SH3RF2: variants seen among roughly 807,000 people sequenced by gnomAD.
The protein encoded by SH3RF2 is E3 ubiquitin-protein ligase SH3RF2.
A neutral mutation model predicts 59.0 loss-of-function variants in SH3RF2; 43 were observed. That is an observed-to-expected ratio of 0.73 (90% CI 0.57 to 0.94). SH3RF2 has a LOEUF of 0.94. SH3RF2 is among the 40% of genes least tolerant of loss of function. The pLI is 0.00. For synonymous variants in SH3RF2, 391 were observed against 391.5 expected (o/e 1.00, Z 0.01); for missense variants, 930 against 940.1 (o/e 0.99, Z 0.14).
chr5:145,959,408 T>C (rs1033080828), intron 2 of SH3RF2, among the ~76,000 whole-genome samples: 1 of 152,098 alleles, frequency 6.6e-6, no homozygotes, highest in African/African-American at 2.4e-5. Context: ...GGGTATTTGA[T>C]AGCTCATAGG....
intron 2 of SH3RF2, among the ~76,000 whole-genome samples, chr5:145,974,634 C>T (rs747937748): frequency 7.9e-5 from 12 of 152,134 alleles, no homozygotes; most frequent in Admixed American, 2.6e-4. Context: ...ACTATTGTAA[C>T]GACTTACAAA....
intron 4 of SH3RF2, among the ~76,000 whole-genome samples, chr5:146,005,934 A>C (rs989481996): frequency 1.3e-5 from 2 of 152,098 alleles, no homozygotes; most frequent in African/African-American, 4.8e-5. Context: ...GGGGAAAAAA[A>C]AATTTTTAAA....
At chr5:146,004,743 A>G (rs150589728) in intron 4 of SH3RF2, among the ~76,000 whole-genome samples, 2 of 152,228 alleles carry the variant, frequency 1.3e-5, no homozygotes, top group African/African-American at 4.8e-5. Flanking sequence ...ATATCATAAA[A>G]TGTTCAATAT....
chr5:145,963,556 T>A (rs542587021), intron 2 of SH3RF2, among the ~76,000 whole-genome samples: 12 of 152,310 alleles, frequency 7.9e-5, no homozygotes, highest in African/African-American at 2.9e-4. Flanking sequence ...CTGGAAGGTA[T>A]CATAACCATA....
intron 4 of SH3RF2, among the ~76,000 whole-genome samples, chr5:146,006,496 A>C (rs1760652369): frequency 6.6e-6 from 1 of 152,238 alleles, no homozygotes; most frequent in African/African-American, 2.4e-5. Flanking sequence ...GCAGAAGGTC[A>C]ACAAATGCCA....
chr5:145,958,754 A>G (rs1201226468), intron 2 of SH3RF2, among the ~76,000 whole-genome samples: 1 of 152,144 alleles, frequency 6.6e-6, no homozygotes, highest in Admixed American at 6.5e-5. Context: ...ATATTTCACC[A>G]AACTGCTTTG....
At chr5:145,941,163 G>A (rs1757800192) in intron 2 of SH3RF2, among the ~76,000 whole-genome samples, 1 of 152,126 alleles carries the variant, frequency 6.6e-6, no homozygotes, top group Admixed American at 6.5e-5. Context: ...TTAACTTTCT[G>A]TCCATGAGCT....
At chr5:145,953,177 G>A (rs1028847414) in intron 2 of SH3RF2, among the ~76,000 whole-genome samples, 7 of 152,056 alleles carry the variant, frequency 4.6e-5, no homozygotes, top group African/African-American at 7.2e-5. Context: ...AAATTGCAAT[G>A]TGTCTGCTAT....
chr5:145,989,003 G>T (rs1759827897), intron 2 of SH3RF2, among the ~76,000 whole-genome samples: 1 of 152,108 alleles, frequency 6.6e-6, no homozygotes, highest in Admixed American at 6.6e-5. Flanking sequence ...ACAAAGTTAG[G>T]GTACAGTACA....
In SH3RF2 at chr5:146,075,731, G is replaced by A. The variant is rs1209136167; in HGVS notation, c.*34-2729G>A. ...GAGGCGGAGGTTGCAGTGAACCAAG[G>A]TGGCACCACTGTACTCCAGCCTTGG... On this transcript the variant is annotated intron_variant, in intron 9 of 9. Transcript: ENST00000511217. Among the ~76,000 whole-genome samples, 2 of 141,820 alleles carry A rather than the reference G, an allele frequency of 1.4e-5. 1 individual carries two copies. Among genetic ancestry groups the A allele is most frequent in the Admixed American group, 1.5e-4 (2 of 13,322 alleles). The allele number at this position is 141,820 out of a possible 152,430, so 93.0% of individuals were successfully genotyped here.
chr5:145,964,628 GC>G (rs1241158906), intron 2 of SH3RF2, among the ~76,000 whole-genome samples: 1 of 151,850 alleles, frequency 6.6e-6, no homozygotes, highest in African/African-American at 2.4e-5. Flanking sequence ...TTTTATTGCT[GC>G]ATCACCATAC....
downstream of SH3RF2, among the ~76,000 whole-genome samples, chr5:146,064,776 A>G (rs1211917805): frequency 0.14 from 3,377 of 24,478 alleles, 602 homozygotes; most frequent in South Asian, 0.26. Context: ...GGAAGGAAGG[A>G]AAGGAAGGAA....
chr5:145,981,936 A>G (rs6883675), intron 2 of SH3RF2, among the ~76,000 whole-genome samples: 34,747 of 152,092 alleles, frequency 0.23, 6,077 homozygotes, highest in African/African-American at 0.48. Flanking sequence ...TCTCATATGC[A>G]CTCAAGAACA....
At chr5:145,986,955 GCTGGCATATT>G (rs1296159540) in intron 2 of SH3RF2, among the ~76,000 whole-genome samples, 1 of 152,170 alleles carries the variant, frequency 6.6e-6, no homozygotes, top group Non-Finnish European at 1.5e-5. Flanking sequence ...GGAGATAAAG[GCTGGCATATT>G]CTGAGTGTTT....
intron 7 of SH3RF2, among the ~76,000 whole-genome samples, chr5:146,052,931 C>T (rs1474107916): frequency 6.6e-6 from 1 of 152,114 alleles, no homozygotes; most frequent in Non-Finnish European, 1.5e-5. Flanking sequence ...TCCTTTTCCC[C>T]CTAGCCTTTG....
chr5:145,948,185 A>C (rs915396344), intron 2 of SH3RF2, among the ~76,000 whole-genome samples: 2 of 152,194 alleles, frequency 1.3e-5, no homozygotes, highest in African/African-American at 4.8e-5. Flanking sequence ...CACTTTATAC[A>C]AGAGGTTTGT....
chr5:146,070,729 G>C (rs886581413), intron 9 of SH3RF2, among the ~76,000 whole-genome samples: 1 of 152,200 alleles, frequency 6.6e-6, no homozygotes, highest in African/African-American at 2.4e-5. Flanking sequence ...TCTTCTTCCA[G>C]TGTTCCTTGC....
In SH3RF2 at chr5:145,992,200, C is replaced by T. The variant is rs560428152; in HGVS notation, c.379-7858C>T. On this transcript the variant is annotated intron_variant, in intron 2 of 9. Coordinates refer to ENST00000359120, the MANE Select transcript of SH3RF2 (RefSeq NM_152550.4). ...CAGCCTGAACAACATGGTGAAACCC[C>T]GTCTCTGCAAAAAATACAAAAAAAA... Among the ~76,000 whole-genome samples, 109 of 152,016 alleles carry T rather than the reference C, an allele frequency of 7.2e-4. 1 individual carries two copies. Among genetic ancestry groups the T allele is most frequent in the African/African-American group, 2.5e-3 (104 of 41,476 alleles).
At chr5:146,058,890 A>G (rs547578762) in intron 8 of SH3RF2, among the ~76,000 whole-genome samples, 244 of 151,844 alleles carry the variant, frequency 1.6e-3, no homozygotes, top group Non-Finnish European at 2.2e-3. Context: ...AAAAAAAAGG[A>G]AAAGAAAAAC....
Sources: gnomAD v4.1 joint callset for allele counts (sites outside exome capture counted in the v4.1 genomes callset) on GRCh38, gnomAD v4.1.1 for gene constraint, MANE v1.5 for transcripts, NCBI Gene and HGNC (gene_info 2026-07-23, HGNC 2026-07-21) for gene names.